The following PHF21A variants were observed in gnomAD, a reference collection of about 807,000 sequenced individuals.
PHF21A encodes the protein PHD finger protein 21A.
PHF21A carries 11 observed loss-of-function variants against 82.5 expected under a neutral mutation model. The ratio of observed to expected loss-of-function variants is 0.13; its 90% CI spans 0.08 to 0.22. The LOEUF (loss-of-function observed/expected upper bound fraction) is 0.22, where lower values mean the gene tolerates loss of function less well. Among genes scored for constraint, PHF21A ranks in the 10% least tolerant of loss-of-function variants. The probability of loss-of-function intolerance (pLI) is 1.00; values close to 1 mark genes in which losing one functional copy is unlikely to be tolerated. For missense variants in PHF21A, 579 were observed against 837.8 expected, an observed-to-expected ratio of 0.69 and a Z score of 3.81; for synonymous variants, 297 against 302.8, an observed-to-expected ratio of 0.98 and a Z score of 0.20.
At chr11:46,073,220 T>A (rs1259777104) in intron 6 of PHF21A, among the ~76,000 whole-genome samples, 1 of 151,316 alleles carries the variant, frequency 6.6e-6, no homozygotes, top group Non-Finnish European at 1.5e-5. Flanking sequence ...CCCAGCTACT[T>A]GGGAGGCTGA....
At chr11:46,110,190 T>C (rs1463350654) in intron 1 of PHF21A, among the ~76,000 whole-genome samples, 1 of 152,182 alleles carries the variant, frequency 6.6e-6, no homozygotes, top group Admixed American at 6.5e-5. Context: ...TATTATCTTA[T>C]CTAATCCTTT....
rs57081937 is a variant in PHF21A, at chr11:45,971,890, C to CTTTCTTTTTTTTTTTTTTT, written c.361-524_361-523insAAAAAAAAAAAAAAAGAAA. Among the ~76,000 whole-genome samples, 30 of 50,290 alleles carry CTTTCTTTTTTTTTTTTTTT rather than the reference C, an allele frequency of 6.0e-4. 9 individuals carry two copies. Among genetic ancestry groups the CTTTCTTTTTTTTTTTTTTT allele is most frequent in the African/African-American group, 1.1e-3 (18 of 15,872 alleles). The allele number at this position is 50,290 out of a possible 152,430, so 33.0% of individuals were successfully genotyped here. On this transcript the variant is annotated intron_variant, in intron 7 of 18. Coordinates refer to ENST00000676320, the MANE Select transcript of PHF21A (RefSeq NM_001352027.3). Reference sequence around the variant, plus strand: ...GTAAAAGGACAGTGTCTTTTTCTTTCTTTTTTTTTTTTTTTATGGTGTCAC... The same window carrying CTTTCTTTTTTTTTTTTTTT: ...GTAAAAGGACAGTGTCTTTTTCTTTCTTTCTTTTTTTTTTTTTTTTTTTTTTTTTTTTTTATGGTGTCAC...
Position 46,077,433 on chromosome 11 carries a change from G to A in PHF21A, c.88-614C>T, listed in dbSNP as rs560324441. On this transcript the variant is annotated intron_variant, in intron 5 of 18. Transcript: ENST00000676320. ...TACTATTTTAGATGAGATACACAGA[G>A]CATGATTGCCTTTTACTAAAGTAGG... Among the ~76,000 whole-genome samples the A allele has an allele frequency of 4.6e-5, 7 of 152,208 alleles. No individual in the cohort carries two copies. The South Asian group carries it at 1.4e-3, about 31-fold the overall frequency.
At chr11:46,108,737 AAC>A (rs2135947274) in intron 1 of PHF21A, among the ~76,000 whole-genome samples, 1 of 152,242 alleles carries the variant, frequency 6.6e-6, no homozygotes, top group South Asian at 2.1e-4. Flanking sequence ...ACACTTATCT[AAC>A]ACTCTAAAAC....
intron 16 of PHF21A, 199 bp from the exon 17 acceptor site, chr11:45,936,768 AG>A: frequency 1.8e-6 from 1 of 546,878 alleles, no homozygotes; most frequent in African/African-American, 1.9e-5. Flanking sequence ...AGTTCAAGGC[AG>A]GAAGAGCCAG....
chr11:46,089,537 C>A (rs1257433743), intron 3 of PHF21A, among the ~76,000 whole-genome samples: 1 of 151,890 alleles, frequency 6.6e-6, no homozygotes, highest in Non-Finnish European at 1.5e-5. Flanking sequence ...CACAGGTGAA[C>A]AGAAAATACT....
intron 7 of PHF21A, among the ~76,000 whole-genome samples, chr11:45,978,458 G>A (rs1256563670): frequency 6.6e-6 from 1 of 152,154 alleles, no homozygotes; most frequent in Non-Finnish European, 1.5e-5. Flanking sequence ...CTTATCTTTA[G>A]TGTTCTTATA....
chr11:45,990,611 C>T (rs1334895838), intron 6 of PHF21A, among the ~76,000 whole-genome samples: 2 of 151,942 alleles, frequency 1.3e-5, no homozygotes, highest in African/African-American at 4.8e-5. Context: ...GTGATTCATG[C>T]TTTTACTGTA....
At chr11:45,962,479 G>C (rs2093152735) in intron 10 of PHF21A, among the ~76,000 whole-genome samples, 1 of 152,096 alleles carries the variant, frequency 6.6e-6, no homozygotes. Context: ...TCCTGAGAAT[G>C]CAATCTAGTC....
At chr11:46,061,258 G>T (rs886990138) in intron 6 of PHF21A, among the ~76,000 whole-genome samples, 3 of 152,126 alleles carry the variant, frequency 2.0e-5, no homozygotes, top group Non-Finnish European at 2.9e-5. Flanking sequence ...CACCAGCTTT[G>T]TTCTTTTTGC....
At chr11:46,000,835 G>A (rs1299664175) in intron 6 of PHF21A, among the ~76,000 whole-genome samples, 1 of 151,984 alleles carries the variant, frequency 6.6e-6, no homozygotes, top group African/African-American at 2.4e-5. Context: ...CAGGAGGATC[G>A]CTTGAACCCA....
chr11:46,109,165 G>T (rs1194937041), intron 1 of PHF21A, among the ~76,000 whole-genome samples: 1 of 152,172 alleles, frequency 6.6e-6, no homozygotes, highest in Non-Finnish European at 1.5e-5. Flanking sequence ...AAGGGCTCAG[G>T]AATCAAACCT....
intron 15 of PHF21A, among the ~76,000 whole-genome samples, chr11:45,940,844 A>G (rs1159374861): frequency 6.6e-6 from 1 of 152,248 alleles, no homozygotes; most frequent in Non-Finnish European, 1.5e-5. Context: ...CATCTTATTC[A>G]GACGGACTTG....
intron 6 of PHF21A, chr11:46,049,616 C>G: frequency 2.5e-6 from 1 of 399,644 alleles, no homozygotes; most frequent in Non-Finnish European, 5.0e-6. Flanking sequence ...CTCTTCCCAC[C>G]TGTCACAGCA....
intron 1 of PHF21A, chr11:46,117,231 T>A (rs931214335): frequency 2.0e-5 from 3 of 152,206 alleles, no homozygotes; most frequent in Admixed American, 6.5e-5. Context: ...TATCAAACTT[T>A]CTAGCATCCC....
At chr11:45,958,742 C>T (rs1482827550) in intron 10 of PHF21A, among the ~76,000 whole-genome samples, 4 of 151,584 alleles carry the variant, frequency 2.6e-5, no homozygotes, top group Non-Finnish European at 5.9e-5. Context: ...AAAGTGAGAC[C>T]CCATCTCTAC....
At chr11:46,053,950 C>G (rs879922503) in intron 6 of PHF21A, among the ~76,000 whole-genome samples, 9 of 152,134 alleles carry the variant, frequency 5.9e-5, no homozygotes, top group Admixed American at 1.3e-4. Flanking sequence ...CTTGGAGAAC[C>G]TGCTAAAAAT....
intron 5 of PHF21A, 102 bp from the exon 6 acceptor site, chr11:46,076,921 C>T (rs2096732872): frequency 5.7e-6 from 5 of 880,866 alleles, no homozygotes; most frequent in Non-Finnish European, 9.3e-6. Context: ...TGAAGCAACC[C>T]GAAGCATTTA....
intron 6 of PHF21A, among the ~76,000 whole-genome samples, chr11:46,018,712 T>G (rs78077668): frequency 6.9e-6 from 1 of 145,626 alleles, no homozygotes; most frequent in Non-Finnish European, 1.5e-5. Flanking sequence ...GGACAACACA[T>G]TTTTTTTTTT....
Sources: gnomAD v4.1 joint callset for allele counts (sites outside exome capture counted in the v4.1 genomes callset) on GRCh38, gnomAD v4.1.1 for gene constraint, MANE v1.5 for transcripts, NCBI Gene and HGNC (gene_info 2026-07-23, HGNC 2026-07-21) for gene names.